NXN: variants seen among roughly 807,000 people sequenced by gnomAD.
NXN encodes the protein nucleoredoxin.
NXN carries 16 observed loss-of-function variants against 48.6 expected under a neutral mutation model. The observed-to-expected ratio is 0.33, with a 90% CI of 0.22 to 0.50. The LOEUF (loss-of-function observed/expected upper bound fraction) is 0.50, where lower values mean the gene tolerates loss of function less well. NXN is among the 20% of genes least tolerant of loss of function. The pLI, the probability that NXN is intolerant of heterozygous loss-of-function variation, is 0.98. For missense variants in NXN, 492 were observed against 605.5 expected (o/e 0.81, Z 1.97); for synonymous variants, 281 against 269.6 (o/e 1.04, Z -0.41).
chr17:882,301 C>G (rs1401257829), intron 1 of NXN, among the ~76,000 whole-genome samples: 2 of 148,100 alleles, frequency 1.4e-5, no homozygotes, highest in East Asian at 4.2e-4. Context: ...ATGGAACCAA[C>G]TACCCTCCAC....
intron 5 of NXN, among the ~76,000 whole-genome samples, chr17:806,887 G>C (rs921227691): frequency 6.6e-6 from 1 of 151,950 alleles, no homozygotes; most frequent in South Asian, 2.1e-4. Context: ...ACAGGCTCTT[G>C]AGAACAGCCA....
chr17:906,786 C>T (rs1209010425), intron 1 of NXN, among the ~76,000 whole-genome samples: 1 of 151,398 alleles, frequency 6.6e-6, no homozygotes, highest in African/African-American at 2.4e-5. Context: ...CCAGTCTGGT[C>T]TCGAACTCCT....
At chr17:858,380 TG>T (rs1386632305) in intron 1 of NXN, among the ~76,000 whole-genome samples, 1 of 152,052 alleles carries the variant, frequency 6.6e-6, no homozygotes, top group African/African-American at 2.4e-5. Context: ...GTAATATAGC[TG>T]GTATTGACAT....
At chr17:844,751 A>C (rs1470939208) in intron 1 of NXN, among the ~76,000 whole-genome samples, 3 of 151,900 alleles carry the variant, frequency 2.0e-5, no homozygotes, top group Non-Finnish European at 4.4e-5. Flanking sequence ...TACCCGGCTA[A>C]TTTTGGTATT....
chr17:809,898 C>CTA (rs1911821968), intron 5 of NXN, among the ~76,000 whole-genome samples: 1 of 117,336 alleles, frequency 8.5e-6, no homozygotes, highest in Admixed American at 8.8e-5. Flanking sequence ...GTTAAGAGTC[C>CTA]CTGTGAGTGC....
intron 1 of NXN, among the ~76,000 whole-genome samples, chr17:916,101 A>G (rs534783633): frequency 6.6e-6 from 1 of 152,390 alleles, no homozygotes; most frequent in South Asian, 2.1e-4. Flanking sequence ...AGGGAGAAAC[A>G]GAATGATGAT....
chr17:873,071 T>C (rs1190627574), intron 1 of NXN, among the ~76,000 whole-genome samples: 1 of 152,224 alleles, frequency 6.6e-6, no homozygotes, highest in African/African-American at 2.4e-5. Context: ...GTCTTCCAGC[T>C]GGGACACCCG....
intron 1 of NXN, among the ~76,000 whole-genome samples, chr17:955,329 T>A (rs1313786060): frequency 6.6e-6 from 1 of 151,300 alleles, no homozygotes; most frequent in Non-Finnish European, 1.5e-5. Flanking sequence ...CACCACACCC[T>A]GCTAATTTTT....
chr17:936,283 C>T (rs1418987422), intron 1 of NXN, among the ~76,000 whole-genome samples: 1 of 152,008 alleles, frequency 6.6e-6, no homozygotes, highest in Non-Finnish European at 1.5e-5. Flanking sequence ...GAAACGTCCC[C>T]TGCGACAAAG....
intron 1 of NXN, among the ~76,000 whole-genome samples, chr17:928,942 T>C (rs897463447): frequency 1.3e-5 from 2 of 152,228 alleles, no homozygotes; most frequent in East Asian, 3.8e-4. Context: ...ATCAGCTGTA[T>C]AAATGCAATA....
At chr17:962,941 C>T (rs1019748243) in intron 1 of NXN, among the ~76,000 whole-genome samples, 4 of 152,150 alleles carry the variant, frequency 2.6e-5, no homozygotes, top group Non-Finnish European at 5.9e-5. Flanking sequence ...GGCCTCCTTT[C>T]GCCTGTTGTA....
At chr17:814,974 C>G (rs1334345872) in intron 5 of NXN, among the ~76,000 whole-genome samples, 1 of 152,188 alleles carries the variant, frequency 6.6e-6, no homozygotes, top group Non-Finnish European at 1.5e-5. Flanking sequence ...CCATGTTGGC[C>G]AGGCTGATCT....
At chr17:828,829 C>G (rs542186976) in intron 1 of NXN, among the ~76,000 whole-genome samples, 10 of 152,160 alleles carry the variant, frequency 6.6e-5, no homozygotes, top group African/African-American at 2.4e-4. Context: ...CATAAGTTTG[C>G]TGTACAAGGA....
rs530019595 is a variant in NXN, at chr17:898,822, G to C, written c.361-72744C>G. Among the ~76,000 whole-genome samples, 24 of 71,252 alleles carry C rather than the reference G, an allele frequency of 3.4e-4. 7 individuals are homozygous for C. The South Asian group carries it at 8.6e-3, about 26-fold the overall frequency. The allele number at this position is 71,252 out of a possible 152,430, so 46.7% of individuals were successfully genotyped here. On this transcript the variant is annotated intron_variant, in intron 1 of 7. Coordinates refer to ENST00000336868, the MANE Select transcript of NXN (RefSeq NM_022463.5). Reference sequence around the variant, plus strand: ...GCCATGAGGGCACCACTGCACTCCAGCCTGGGTGACAAAACAGACTGTCTC... The same window carrying C: ...GCCATGAGGGCACCACTGCACTCCACCCTGGGTGACAAAACAGACTGTCTC...
intron 1 of NXN, among the ~76,000 whole-genome samples, chr17:955,260 C>T (rs1417018246): frequency 2.0e-5 from 3 of 150,884 alleles, no homozygotes; most frequent in African/African-American, 4.9e-5. Flanking sequence ...CTCCGCCTCC[C>T]GGGTTCAAGC....
At chr17:928,739 G>GGCT (rs2068825409) in intron 1 of NXN, among the ~76,000 whole-genome samples, 1 of 152,168 alleles carries the variant, frequency 6.6e-6, no homozygotes, top group Admixed American at 6.5e-5. Flanking sequence ...GGGAGGCTGA[G>GGCT]GAGGGAGAAT....
At chr17:944,306 C>A (rs1472637534) in intron 1 of NXN, among the ~76,000 whole-genome samples, 3 of 152,188 alleles carry the variant, frequency 2.0e-5, no homozygotes, top group Non-Finnish European at 4.4e-5. Flanking sequence ...ATAATGAGAG[C>A]TTCCAATCCA....
chr17:823,659 G>A lies in NXN; in HGVS notation c.585C>T (p.His195=), dbSNP rs779780230. 23 of 1,613,974 alleles carry A rather than the reference G, an allele frequency of 1.4e-5. No individual in the cohort carries two copies. The highest frequency in any genetic ancestry group is 1.6e-4 in the Middle Eastern group (1 of 6,084). The part of the protein sequence containing the change: ...SLESSSLEGS[H]VGVYFSAHWC... The stretch of plus-strand genomic sequence containing the variant: ...AATGTGCGGAGAAATAGACGCCCAC[G>A]TGAGACCCCTCCAGGCTGCTGCTCT... Residue 195 remains histidine (H), a synonymous_variant, in exon 3 of 8, where the codon CAC becomes CAT. Coordinates refer to ENST00000336868, the MANE Select transcript of NXN (RefSeq NM_022463.5).
intron 1 of NXN, among the ~76,000 whole-genome samples, chr17:940,609 C>A (rs1267106647): frequency 6.6e-6 from 1 of 152,208 alleles, no homozygotes; most frequent in Non-Finnish European, 1.5e-5. Context: ...GCGGGCTTTG[C>A]AGGACCCTTA....
Sources: gnomAD v4.1 joint callset for allele counts (sites outside exome capture counted in the v4.1 genomes callset) on GRCh38, gnomAD v4.1.1 for gene constraint, MANE v1.5 for transcripts, NCBI Gene and HGNC (gene_info 2026-07-23, HGNC 2026-07-21) for gene names.